Variants in SLC25A21 observed in about 807,000 individuals in gnomAD.
SLC25A21 encodes the protein mitochondrial 2-oxodicarboxylate carrier.
In SLC25A21, 47 loss-of-function variants were observed where a neutral mutation model predicts 43.8. That is an observed-to-expected ratio of 1.07 (90% confidence interval 0.85 to 1.37). The LOEUF (loss-of-function observed/expected upper bound fraction) is 1.37. Ranked by LOEUF, SLC25A21 falls within the 40% of genes most tolerant of loss-of-function variation. SLC25A21 has a pLI of 0.00. For synonymous variants in SLC25A21, 131 were observed against 121.3 expected (o/e 1.08, Z -0.52); for missense variants, 352 against 350.2 (o/e 1.00, Z -0.04).
At chr14:36,702,493 A>G (rs911400106) in intron 7 of SLC25A21, among the ~76,000 whole-genome samples, 148 of 150,250 alleles carry the variant, frequency 9.9e-4, no homozygotes, top group African/African-American at 2.8e-3. Context: ...AAAAAAAAAA[A>G]AAAGAAAGAA....
intron 6 of SLC25A21, among the ~76,000 whole-genome samples, chr14:36,711,711 G>A (rs1883881615): frequency 1.3e-5 from 2 of 152,124 alleles, no homozygotes; most frequent in East Asian, 1.9e-4. Context: ...AAGAACAAAC[G>A]ATTTTGATAG....
At chr14:36,684,715 T>C in intron 8 of SLC25A21, 29 bp downstream of exon 8, 2 of 1,578,354 alleles carry the variant, frequency 1.3e-6, no homozygotes, top group Non-Finnish European at 1.7e-6. Flanking sequence ...GCCTCATACA[T>C]TTATTAAAAT....
At chr14:36,733,322 T>C (rs1245870125) in intron 4 of SLC25A21, among the ~76,000 whole-genome samples, 1 of 152,214 alleles carries the variant, frequency 6.6e-6, no homozygotes, top group Non-Finnish European at 1.5e-5. Context: ...TCTACTTTGG[T>C]GAACTTATTC....
chr14:37,133,619 T>A (rs1963428821), intron 1 of SLC25A21, among the ~76,000 whole-genome samples: 1 of 151,358 alleles, frequency 6.6e-6, no homozygotes, highest in Non-Finnish European at 1.5e-5. Context: ...AACAAATACC[T>A]CATACACCAT....
At chr14:36,898,123 C>T (rs944608754) in intron 1 of SLC25A21, among the ~76,000 whole-genome samples, 1 of 152,122 alleles carries the variant, frequency 6.6e-6, no homozygotes, top group Non-Finnish European at 1.5e-5. Flanking sequence ...CTATGCCCTG[C>T]CCCTAGAGGT....
chr14:36,878,881 A>C (rs1377040234), intron 1 of SLC25A21, among the ~76,000 whole-genome samples: 6 of 152,178 alleles, frequency 3.9e-5, no homozygotes, highest in Non-Finnish European at 8.8e-5. Flanking sequence ...TAAATGATTC[A>C]ATCTCCCCTA....
At chr14:36,928,579 G>T (rs1394799043) in intron 1 of SLC25A21, among the ~76,000 whole-genome samples, 1 of 152,016 alleles carries the variant, frequency 6.6e-6, no homozygotes, top group Non-Finnish European at 1.5e-5. Flanking sequence ...CTTAGGTCTG[G>T]GTTACAATGA....
intron 1 of SLC25A21, among the ~76,000 whole-genome samples, chr14:37,108,756 G>C (rs1377290094): frequency 1.3e-5 from 2 of 151,382 alleles, no homozygotes; most frequent in Admixed American, 1.3e-4. Flanking sequence ...TGTGTTGTGT[G>C]CCTCAATCCC....
intron 1 of SLC25A21, among the ~76,000 whole-genome samples, chr14:36,885,586 C>T (rs1330840874): frequency 1.3e-5 from 2 of 152,126 alleles, no homozygotes; most frequent in Admixed American, 6.6e-5. Flanking sequence ...TTCTTCCAAC[C>T]TATGAACACA....
At chr14:36,848,119 G>A (rs181526539) in intron 2 of SLC25A21, among the ~76,000 whole-genome samples, 151 of 152,166 alleles carry the variant, frequency 9.9e-4, no homozygotes, top group African/African-American at 3.5e-3. Context: ...CCACGAATTG[G>A]GATAATCATA....
At chr14:36,853,844 T>C (rs1399556038) in intron 2 of SLC25A21, among the ~76,000 whole-genome samples, 2 of 152,216 alleles carry the variant, frequency 1.3e-5, no homozygotes, top group African/African-American at 4.8e-5. Flanking sequence ...GCATTATGCA[T>C]CCAGTGCTTT....
At chr14:37,057,431 T>C (rs754234984) in intron 1 of SLC25A21, among the ~76,000 whole-genome samples, 19 of 152,226 alleles carry the variant, frequency 1.2e-4, no homozygotes, top group African/African-American at 3.1e-4. Flanking sequence ...ATTGTTATAA[T>C]TGGAGGATTT....
chr14:37,100,635 A>G (rs1962799459), intron 1 of SLC25A21, among the ~76,000 whole-genome samples: 1 of 152,130 alleles, frequency 6.6e-6, no homozygotes. Flanking sequence ...CACACCCAAC[A>G]CCATTCAGGT....
At chr14:37,081,661 T>G (rs1962391192) in intron 1 of SLC25A21, among the ~76,000 whole-genome samples, 1 of 152,236 alleles carries the variant, frequency 6.6e-6, no homozygotes, top group African/African-American at 2.4e-5. Flanking sequence ...CTTAGAGTGA[T>G]AAGATATAGT....
At chr14:36,989,885 T>C (rs1960226796) in intron 1 of SLC25A21, among the ~76,000 whole-genome samples, 1 of 148,804 alleles carries the variant, frequency 6.7e-6, no homozygotes. Flanking sequence ...ACTTTCCTTT[T>C]CAAAAAAAAA....
At chr14:37,059,105 C>T (rs563258155) in intron 1 of SLC25A21, among the ~76,000 whole-genome samples, 2 of 152,314 alleles carry the variant, frequency 1.3e-5, no homozygotes, top group African/African-American at 2.4e-5. Context: ...GCAAGGATCA[C>T]GTCTTGTTTA....
At position 36,734,504 on chromosome 14, in the gene SLC25A21, T is replaced by C; in HGVS notation, c.270+3A>G. 5.0e-6 allele frequency: 8 copies of C among 1,605,618 alleles called. No homozygotes were observed. The highest frequency in any genetic ancestry group is 6.8e-6 in the Non-Finnish European group (8 of 1,175,282). On this transcript the variant is annotated splice_donor_region_variant and intron_variant, in intron 4 of 9. Transcript: ENST00000331299. ...GCTTGGTGCGAACGCATGCAATGCT[T>C]ACCTTCACTGCTCTTTTTGGGGTTT...
At position 36,842,134 on chromosome 14, in the gene SLC25A21, G is replaced by T. The variant is rs189475728; in HGVS notation, c.120-28133C>A. ...TTTGTTTATGTATTCCCCCAGCCCA[G>T]CATCTGTACACAATAGACATCTGAT... is the stretch of plus-strand genomic sequence containing the variant. On this transcript the variant is annotated intron_variant, in intron 2 of 9. Coordinates refer to ENST00000331299, the MANE Select transcript of SLC25A21 (RefSeq NM_030631.4). 4.1e-3 allele frequency among the ~76,000 whole-genome samples: 627 copies of T among 152,260 alleles called. 2 individuals are homozygous for T. Among genetic ancestry groups the T allele is most frequent in the Non-Finnish European group, 6.5e-3 (443 of 68,004 alleles).
chr14:36,968,940 G>C (rs1280500994), intron 1 of SLC25A21, among the ~76,000 whole-genome samples: 1 of 152,110 alleles, frequency 6.6e-6, no homozygotes, highest in African/African-American at 2.4e-5. Context: ...GCAGCCAAGG[G>C]GTCAAGTCTT....
Sources: allele counts gnomAD v4.1 joint callset (sites outside exome capture counted in the v4.1 genomes callset), GRCh38; gene constraint gnomAD v4.1.1; transcripts MANE v1.5; gene names NCBI Gene and HGNC (gene_info 2026-07-23, HGNC 2026-07-21).